Variants in PIK3R5 observed in about 807,000 individuals in gnomAD.
The protein encoded by PIK3R5 is phosphoinositide-3-kinase regulatory subunit 5.
A neutral mutation model predicts 94.9 loss-of-function variants in PIK3R5; 32 were observed. The observed-to-expected ratio is 0.34, with a 90% CI of 0.25 to 0.45. The LOEUF (loss-of-function observed/expected upper bound fraction) is 0.45. Among genes scored for constraint, PIK3R5 ranks in the 20% least tolerant of loss-of-function variants. The pLI is 1.00. For synonymous variants in PIK3R5, 443 were observed against 479.4 expected, an observed-to-expected ratio of 0.92 and a Z score of 0.99; for missense variants, 853 against 1,144.6, an observed-to-expected ratio of 0.75 and a Z score of 3.68.
intron 1 of PIK3R5, among the ~76,000 whole-genome samples, chr17:8,947,744 C>T (rs1025120409): frequency 6.6e-6 from 1 of 152,054 alleles, no homozygotes; most frequent in Non-Finnish European, 1.5e-5. Context: ...TGAAAGCAAG[C>T]CTTAAGAAAA....
intron 1 of PIK3R5, among the ~76,000 whole-genome samples, chr17:8,918,917 T>G (rs1322318210): frequency 2.0e-5 from 3 of 152,220 alleles, no homozygotes; most frequent in African/African-American, 7.2e-5. Flanking sequence ...TTTTGTTTTT[T>G]TGCCAAAAAC....
chr17:8,881,764 C>T lies in PIK3R5; in HGVS notation c.2299+24G>A. ...GCTCAGAGCACCTCCCTACTGCACA[C>T]CCCACACTGACCACCCCACTCACCC... is the stretch of plus-strand genomic sequence containing the variant. On this transcript the variant is annotated intron_variant, in intron 16 of 18. Transcript: ENST00000447110. This position sits in a 1 kb window ranked among gnomAD's most constrained non-coding sequence, Gnocchi z 4.8. 1 of 1,612,908 alleles carries T rather than the reference C, an allele frequency of 6.2e-7. No individual in the cohort carries two copies. Among genetic ancestry groups the T allele is most frequent in the South Asian group, 1.1e-5 (1 of 91,050 alleles).
chr17:8,887,031 C>T, intron 12 of PIK3R5, 65 bp downstream of exon 12: 14 of 1,591,422 alleles, frequency 8.8e-6, no homozygotes, highest in Non-Finnish European at 1.2e-5. Flanking sequence ...AAATCCAGGG[C>T]CTTCTAAGTG....
chr17:8,958,623 C>T (rs1245250887), intron 1 of PIK3R5, among the ~76,000 whole-genome samples: 1 of 152,210 alleles, frequency 6.6e-6, no homozygotes, highest in South Asian at 2.1e-4. Context: ...AAACAAAGCC[C>T]CAAGCTCATG....
rs71135929 is a variant in PIK3R5, at chr17:8,888,002, AAATAATAATAATAATAATAATAATAAT to A, written c.1616+142_1616+168del. Among the ~76,000 whole-genome samples, 4 of 129,528 alleles carry A rather than the reference AAATAATAATAATAATAATAATAATAAT, an allele frequency of 3.1e-5. No homozygotes were observed. Among genetic ancestry groups the A allele is most frequent in the African/African-American group, 1.2e-4 (4 of 34,652 alleles). The allele number at this position is 129,528 out of a possible 152,430, so 85.0% of individuals were successfully genotyped here. Reference sequence around the variant, plus strand: ...GGCAACAGAGCAAGACTCTGTCTCAAAATAATAATAATAATAATAATAATAATAATAATAATAATAATAATAAAATAA... The same window carrying A: ...GGCAACAGAGCAAGACTCTGTCTCAAAATAATAATAATAATAATAAAATAA... On this transcript the variant is annotated intron_variant, in intron 10 of 18. Coordinates refer to ENST00000447110, the MANE Select transcript of PIK3R5 (RefSeq NM_001142633.3). The surrounding 1 kb of genome is among the most constrained non-coding windows in gnomAD (Gnocchi z 7.8).
chr17:8,962,769 G>A (rs1269695474), intron 1 of PIK3R5, among the ~76,000 whole-genome samples: 1 of 152,220 alleles, frequency 6.6e-6, no homozygotes, highest in Non-Finnish European at 1.5e-5. Context: ...GTGAAAATAT[G>A]TACATCTTCA....
chr17:8,934,510 T>C (rs1010871290), intron 1 of PIK3R5, among the ~76,000 whole-genome samples: 3 of 152,190 alleles, frequency 2.0e-5, no homozygotes, highest in African/African-American at 7.2e-5. Context: ...ATGGATTCAA[T>C]GCAATCCCAG....
In PIK3R5 at chr17:8,886,436, G is replaced by A. The variant is rs374494607; in HGVS notation, c.2034+41C>T. 23 of 1,598,370 alleles carry A rather than the reference G, an allele frequency of 1.4e-5. 1 individual carries two copies. In the Middle Eastern group the frequency reaches 5.0e-4, roughly 35 times the overall value. On this transcript the variant is annotated intron_variant, in intron 13 of 18. Transcript: ENST00000447110. ...GGCAGGGGTGGGGCCTTGCAGGCCCGGCAGGTGGGGAAGAGGCGGTTCGGG... is the reference window on the plus strand; with the variant it reads ...GGCAGGGGTGGGGCCTTGCAGGCCCAGCAGGTGGGGAAGAGGCGGTTCGGG...
At chr17:8,960,010 C>G (rs1292860364) in intron 1 of PIK3R5, among the ~76,000 whole-genome samples, 2 of 152,158 alleles carry the variant, frequency 1.3e-5, no homozygotes, top group Non-Finnish European at 2.9e-5. Context: ...GAGAGGCCCC[C>G]CCATTAGTAT....
intron 5 of PIK3R5, among the ~76,000 whole-genome samples, chr17:8,900,295 A>G (rs907140884): frequency 1.3e-5 from 2 of 152,184 alleles, no homozygotes; most frequent in Non-Finnish European, 2.9e-5. Context: ...TTCCATGAGG[A>G]GCTCATCTCA....
intron 5 of PIK3R5, among the ~76,000 whole-genome samples, chr17:8,895,825 A>G (rs946606461): frequency 6.6e-6 from 1 of 152,188 alleles, no homozygotes; most frequent in African/African-American, 2.4e-5. Context: ...ACTCTGACCC[A>G]GAGAGAGTGA....
At chr17:8,947,163 C>T (rs545739610) in intron 1 of PIK3R5, among the ~76,000 whole-genome samples, 1 of 150,210 alleles carries the variant, frequency 6.7e-6, no homozygotes, top group East Asian at 1.9e-4. Context: ...AAAAATGAAC[C>T]TAGAGCCAAG....
At position 8,893,455 on chromosome 17, in the gene PIK3R5, T is replaced by C. The variant is rs2090075032; in HGVS notation, c.482+131A>G. 1.4e-6 allele frequency: 1 copy of C among 712,276 alleles called. No homozygotes were observed. Among genetic ancestry groups the C allele is most frequent in the Non-Finnish European group, 2.5e-6 (1 of 401,096 alleles). 44.1% of individuals were successfully genotyped at this position (712,276 alleles called of 1,614,324 possible). ...GGGTTCCCAGTTCCCTGGAAGCCTG[T>C]TTGTTGCTGGCTGGGGTGGACAGGG... On this transcript the variant is annotated intron_variant, in intron 6 of 18. Coordinates refer to ENST00000447110, the MANE Select transcript of PIK3R5 (RefSeq NM_001142633.3). This position sits in a 1 kb window ranked among gnomAD's most constrained non-coding sequence, Gnocchi z 5.1.
Position 8,880,584 on chromosome 17 carries a change from G to T in PIK3R5, c.*55C>A, listed in dbSNP as rs577043755. ...TCCACAGAGAGGGACTGTCCTGGAG[G>T]GGTGGCCGAGGAGGTTGCCCCAGGG... On this transcript the variant is annotated 3_prime_UTR_variant, in exon 19 of 19. Transcript: ENST00000447110. The T allele has an allele frequency of 4.7e-5, 71 of 1,505,302 alleles. No individual in the cohort carries two copies. The highest frequency in any genetic ancestry group is 6.2e-5 in the Non-Finnish European group (69 of 1,120,900). 93.2% of individuals were successfully genotyped at this position (1,505,302 alleles called of 1,614,324 possible).
chr17:8,960,566 G>C (rs539428430), intron 1 of PIK3R5, among the ~76,000 whole-genome samples: 1 of 152,336 alleles, frequency 6.6e-6, no homozygotes, highest in East Asian at 1.9e-4. Flanking sequence ...AAATGTTAGC[G>C]ATTAGGCAGG....
chr17:8,931,821 C>T (rs2090991942), intron 1 of PIK3R5, among the ~76,000 whole-genome samples: 1 of 152,176 alleles, frequency 6.6e-6, no homozygotes, highest in Non-Finnish European at 1.5e-5. Flanking sequence ...GGTGGAGGAA[C>T]TTCACTGGAT....
At chr17:8,917,617 G>A (rs997907239) in intron 1 of PIK3R5, among the ~76,000 whole-genome samples, 1 of 152,218 alleles carries the variant, frequency 6.6e-6, no homozygotes, top group African/African-American at 2.4e-5. Context: ...TGTAATCCCA[G>A]CACTTTGGGA....
At position 8,905,716 on chromosome 17, in the gene PIK3R5, C is replaced by A; in HGVS notation, c.226G>T (p.Asp76Tyr). The A allele has an allele frequency of 1.2e-6, 2 of 1,605,138 alleles. No homozygotes were observed. Among genetic ancestry groups the A allele is most frequent in the South Asian group, 2.3e-5 (2 of 88,884 alleles). The change falls in exon 4 of 19, where the codon GAC becomes TAC. Residue 76 changes from aspartate (D) to tyrosine (Y), a missense_variant. Asp to Tyr is a radical substitution (Grantham distance 160, BLOSUM62 -3). This residue lies in a region of PIK3R5 where 108 missense variants were observed against 170.1 expected (regional missense o/e 0.63). Coordinates refer to ENST00000447110, the MANE Select transcript of PIK3R5 (RefSeq NM_001142633.3). ...TREVQEKGTY[D>Y]LLTPLALLFY... ...AGCAGGGCCAGCGGGGTGAGCAGGT[C>A]GTAGGTGCCCTTCTCCTGGACCTGT...
In PIK3R5 at chr17:8,884,199, A is replaced by G. The variant is rs919343957; in HGVS notation, c.2205+508T>C. On this transcript the variant is annotated intron_variant, in intron 15 of 18. Coordinates refer to ENST00000447110, the MANE Select transcript of PIK3R5 (RefSeq NM_001142633.3). The surrounding 1 kb of genome is among the most constrained non-coding windows in gnomAD (Gnocchi z 5.8). ...GGCCGAAGGAAGAAGCCCACCTGTGAGGCCAAGCTTCCCTCAGCCTGGACC... is the reference window on the plus strand; with the variant it reads ...GGCCGAAGGAAGAAGCCCACCTGTGGGGCCAAGCTTCCCTCAGCCTGGACC... Among the ~76,000 whole-genome samples, 1 of 152,078 alleles carries G rather than the reference A, an allele frequency of 6.6e-6. No homozygotes were observed. The highest frequency in any genetic ancestry group is 1.5e-5 in the Non-Finnish European group (1 of 67,976).
Sources: allele counts gnomAD v4.1 joint callset (sites outside exome capture counted in the v4.1 genomes callset), GRCh38; gene constraint gnomAD v4.1.1; regional missense constraint gnomAD v4.1.1; non-coding constraint Gnocchi (gnomAD v3.1); transcripts MANE v1.5; gene names NCBI Gene and HGNC (gene_info 2026-07-23, HGNC 2026-07-21).